The following CCDC18 variants were observed in gnomAD, a reference collection of about 807,000 sequenced individuals.
CCDC18 encodes coiled-coil domain containing 18, also known as coiled-coil domain-containing protein 18.
CCDC18 carries 157 observed loss-of-function variants against 196.0 expected under a neutral mutation model. That is an observed-to-expected ratio of 0.80 (90% confidence interval 0.70 to 0.91). The LOEUF (loss-of-function observed/expected upper bound fraction) is 0.91, where lower values mean the gene tolerates loss of function less well. Ranked by LOEUF, CCDC18 falls within the 40% of genes least tolerant of loss-of-function variation. The pLI is 0.00. For synonymous variants in CCDC18, 482 were observed against 529.2 expected, an observed-to-expected ratio of 0.91 and a Z score of 1.22; for missense variants, 1,465 against 1,611.6, an observed-to-expected ratio of 0.91 and a Z score of 1.56.
Position 93,183,372 on chromosome 1 carries a change from G to T in CCDC18, c.11G>T (p.Ser4Ile), listed in dbSNP as rs1650063199. ...TTTTTTTTTTAAGAAATGGAATCTA[G>T]TTCATCAGACTACTATAATAAAGAC... MES[S>I]SSDYYNKDNE... The change falls in exon 2 of 29, where the codon AGT (serine) becomes ATT (isoleucine). Residue 4 changes from serine (S) to isoleucine (I), a missense_variant. Transcript: ENST00000690025. The T allele has an allele frequency of 1.3e-6, 2 of 1,560,998 alleles. No homozygotes were observed. Among genetic ancestry groups the T allele is most frequent in the Admixed American group, 1.9e-5 (1 of 53,562 alleles).
rs139493150 is a variant in CCDC18 at position 93,235,991 on chromosome 1, G to A, written c.2461-257G>A. On this transcript the variant is annotated intron_variant, in intron 18 of 28. Coordinates refer to ENST00000690025, the MANE Select transcript of CCDC18 (RefSeq NM_001378204.1). ...ATTTCAAATGGGGACAATGAAAAGG[G>A]GAATATTTACTATCATTTTGTTCAA... Among the ~76,000 whole-genome samples, 133 of 152,060 alleles carry A rather than the reference G, an allele frequency of 8.7e-4. 2 individuals carry two copies. In the East Asian group the frequency reaches 9.1e-3, roughly 10 times the overall value.
Position 93,221,702 on chromosome 1 carries a change from C to A in CCDC18, c.2056C>A (p.His686Asn). The change falls in exon 15 of 29, where the codon CAT becomes AAT. Residue 686 changes from histidine (H) to asparagine (N), a missense_variant. Transcript: ENST00000690025. ...LQQDIICKQH[H>N]LESLDRLLTE... is the part of the protein sequence containing the mutation. ...ACAAGATATAATATGCAAACAACATCATCTTGAATCACTAGATAGACTCTT... is the reference window on the plus strand; with the variant it reads ...ACAAGATATAATATGCAAACAACATAATCTTGAATCACTAGATAGACTCTT... 6.3e-7 allele frequency: 1 copy of A among 1,596,742 alleles called. No individual in the cohort carries two copies. Among genetic ancestry groups the A allele is most frequent in the Non-Finnish European group, 8.5e-7 (1 of 1,174,866 alleles).
chr1:93,192,619 G>T (rs554135860), intron 5 of CCDC18, among the ~76,000 whole-genome samples: 1 of 152,194 alleles, frequency 6.6e-6, no homozygotes, highest in Non-Finnish European at 1.5e-5. Context: ...TTTTTATTTT[G>T]TAGAGACAGG....
At chr1:93,201,522 A>G (rs1653831973) in intron 6 of CCDC18, among the ~76,000 whole-genome samples, 2 of 152,162 alleles carry the variant, frequency 1.3e-5, no homozygotes, top group African/African-American at 4.8e-5. Flanking sequence ...TATATTTAAT[A>G]TTCTAGACAA....
Position 93,274,960 on chromosome 1 carries a change from C to T in CCDC18, c.4354-3503C>T, listed in dbSNP as rs536241636. 1.4e-4 allele frequency among the ~76,000 whole-genome samples: 22 copies of T among 152,178 alleles called. No individual in the cohort carries two copies. In the South Asian group the frequency reaches 3.9e-3, roughly 27 times the overall value. On this transcript the variant is annotated intron_variant, in intron 28 of 28. Coordinates refer to ENST00000690025, the MANE Select transcript of CCDC18 (RefSeq NM_001378204.1). Reference sequence around the variant, plus strand: ...TCTACTGAGTTTTAAATGCATTGACCACTGTCAATACTCATAACTTTAAGC... The same window carrying T: ...TCTACTGAGTTTTAAATGCATTGACTACTGTCAATACTCATAACTTTAAGC...
intron 23 of CCDC18, among the ~76,000 whole-genome samples, chr1:93,247,502 C>T (rs553926499): frequency 3.3e-5 from 5 of 152,104 alleles, no homozygotes; most frequent in Non-Finnish European, 7.4e-5. Flanking sequence ...GCCGCCTCAA[C>T]ATCCCAAGCT....
chr1:93,209,446 G>A (rs2101962988), intron 9 of CCDC18, among the ~76,000 whole-genome samples: 1 of 152,312 alleles, frequency 6.6e-6, no homozygotes, highest in East Asian at 1.9e-4. Context: ...AGATATGAAT[G>A]TATGGTAGAC....
At chr1:93,268,351 C>T (rs1367352282) in intron 27 of CCDC18, among the ~76,000 whole-genome samples, 2 of 151,632 alleles carry the variant, frequency 1.3e-5, no homozygotes, top group East Asian at 3.9e-4. Flanking sequence ...AATACCATTG[C>T]CTAGGCATGG....
rs1247709380 is a variant in CCDC18 at position 93,186,414 on chromosome 1, C to G, written c.373C>G (p.Gln125Glu). The G allele has an allele frequency of 8.1e-6, 13 of 1,611,864 alleles. No homozygotes were observed. The highest frequency in any genetic ancestry group is 1.0e-5 in the Non-Finnish European group (12 of 1,178,592). ...SLREKLNKLR[Q>E]QNACLVTQNH... ...TCGAGAGAAACTAAATAAACTTAGG[C>G]AACAGAATGCTTGTTTGGTCACACA... Residue 125 changes from glutamine (Q) to glutamate (E), a missense_variant, in exon 4 of 29, where the codon CAA becomes GAA. Transcript: ENST00000690025.
chr1:93,184,221 A>T, intron 3 of CCDC18, 75 bp downstream of exon 3: 1 of 720,312 alleles, frequency 1.4e-6, no homozygotes. Context: ...AATTTTTTTT[A>T]ATTTTAAAAT....
chr1:93,208,363 A>T (rs1457248062), intron 9 of CCDC18, among the ~76,000 whole-genome samples: 5 of 145,048 alleles, frequency 3.4e-5, no homozygotes, highest in Non-Finnish European at 4.5e-5. Flanking sequence ...GGAGTCTCTC[A>T]CTCTGTTGCC....
intron 17 of CCDC18, among the ~76,000 whole-genome samples, chr1:93,229,848 A>T (rs1368504807): frequency 6.6e-6 from 1 of 152,210 alleles, no homozygotes; most frequent in Admixed American, 6.5e-5. Flanking sequence ...TGTCAACATG[A>T]TAAAAGAAAC....
Position 93,186,489 on chromosome 1 carries a change from C to A in CCDC18, c.448C>A (p.Gln150Lys). Residue 150 changes from glutamine (Q) to lysine (K), a missense_variant, in exon 4 of 29, where the codon CAG (glutamine) becomes AAG (lysine). Coordinates refer to ENST00000690025, the MANE Select transcript of CCDC18 (RefSeq NM_001378204.1). ...KFESIHFELT[Q>K]SRAKVSMLES... ...TGAATCTATTCACTTTGAATTAACA[C>A]AGTCAAGAGCAAAAGTATGTATCTT... The A allele has an allele frequency of 6.2e-7, 1 of 1,600,426 alleles. No homozygotes were observed. Among genetic ancestry groups the A allele is most frequent in the African/African-American group, 1.3e-5 (1 of 74,408 alleles).
chr1:93,191,751 C>G (rs1651846956), intron 4 of CCDC18, among the ~76,000 whole-genome samples: 1 of 152,008 alleles, frequency 6.6e-6, no homozygotes, highest in Non-Finnish European at 1.5e-5. Context: ...AATAGAGATT[C>G]TATTTTCTCC....
chr1:93,259,488 A>T (rs879633180), intron 26 of CCDC18, among the ~76,000 whole-genome samples: 3 of 152,210 alleles, frequency 2.0e-5, no homozygotes, highest in Non-Finnish European at 4.4e-5. Flanking sequence ...ATTTAAATAA[A>T]TTACTTACGT....
At chr1:93,211,193 A>G (rs1032056856) in intron 10 of CCDC18, among the ~76,000 whole-genome samples, 5 of 151,596 alleles carry the variant, frequency 3.3e-5, no homozygotes, top group African/African-American at 1.2e-4. Flanking sequence ...CAGGAGAATC[A>G]CTTGAACCCG....
At chr1:93,265,832 C>A (rs898839156) in intron 27 of CCDC18, among the ~76,000 whole-genome samples, 2 of 152,172 alleles carry the variant, frequency 1.3e-5, no homozygotes, top group Non-Finnish European at 2.9e-5. Flanking sequence ...TAGACTCCCA[C>A]ACAATAATAA....
At chr1:93,243,303 G>A (rs990153144) in intron 21 of CCDC18, among the ~76,000 whole-genome samples, 7 of 152,234 alleles carry the variant, frequency 4.6e-5, no homozygotes, top group African/African-American at 1.7e-4. Flanking sequence ...GCCAAGGCAT[G>A]GGGCTTGCAC....
At chr1:93,204,324 G>A (rs776615806) in intron 7 of CCDC18, among the ~76,000 whole-genome samples, 1 of 152,086 alleles carries the variant, frequency 6.6e-6, no homozygotes, top group Non-Finnish European at 1.5e-5. Flanking sequence ...GAAATTGAAC[G>A]ATTTTGAATT....
Sources: allele counts gnomAD v4.1 joint callset (sites outside exome capture counted in the v4.1 genomes callset), GRCh38; gene constraint gnomAD v4.1.1; transcripts MANE v1.5; gene names NCBI Gene and HGNC (gene_info 2026-07-23, HGNC 2026-07-21).